The following MAPKAPK2 variants were observed in gnomAD, a reference collection of about 807,000 sequenced individuals.
The protein encoded by MAPKAPK2 is MAPK activated protein kinase 2.
A neutral mutation model predicts 48.8 loss-of-function variants in MAPKAPK2; 9 were observed. That is an observed-to-expected ratio of 0.18 (90% CI 0.11 to 0.32). MAPKAPK2 has a LOEUF of 0.32. Among genes scored for constraint, MAPKAPK2 ranks in the 10% least tolerant of loss-of-function variants. The pLI, the probability that MAPKAPK2 is intolerant of heterozygous loss-of-function variation, is 1.00. For missense variants in MAPKAPK2, 331 were observed against 498.3 expected, an observed-to-expected ratio of 0.66 and a Z score of 3.20; for synonymous variants, 202 against 190.6, an observed-to-expected ratio of 1.06 and a Z score of -0.49.
intron 1 of MAPKAPK2, among the ~76,000 whole-genome samples, chr1:206,711,628 T>TTA (rs1673146365): frequency 6.8e-6 from 1 of 147,952 alleles, no homozygotes; most frequent in South Asian, 2.1e-4. Context: ...TTTTTTTTTT[T>TTA]ATGTTTTTGA....
At chr1:206,703,739 A>G (rs1439811368) in intron 1 of MAPKAPK2, among the ~76,000 whole-genome samples, 2 of 152,176 alleles carry the variant, frequency 1.3e-5, no homozygotes, top group Non-Finnish European at 2.9e-5. Context: ...CTGACATCAG[A>G]GCCTCCTCCC....
In MAPKAPK2 at chr1:206,731,368, G is replaced by A; in HGVS notation, c.892+106G>A. The stretch of plus-strand genomic sequence containing the variant: ...TATGGGCCTCCATCTCATGTGCGTG[G>A]TGTAACTGTGGGTTAGCACCTATGC... On this transcript the variant is annotated intron_variant, in intron 7 of 9. Coordinates refer to ENST00000367103, the MANE Select transcript of MAPKAPK2 (RefSeq NM_032960.4). This position sits in a 1 kb window ranked among gnomAD's most constrained non-coding sequence, Gnocchi z 5.9. 6.4e-7 allele frequency: 1 copy of A among 1,553,406 alleles called. No individual in the cohort carries two copies. The highest frequency in any genetic ancestry group is 8.7e-7 in the Non-Finnish European group (1 of 1,147,818).
chr1:206,728,875 GCC>G, intron 2 of MAPKAPK2, 26 bp downstream of exon 2: 1 of 1,613,058 alleles, frequency 6.2e-7, no homozygotes. Flanking sequence ...TCTAGTCCCG[GCC>G]CAGCCTGTTC....
chr1:206,703,131 T>C (rs1393926227), intron 1 of MAPKAPK2, among the ~76,000 whole-genome samples: 1 of 152,206 alleles, frequency 6.6e-6, no homozygotes, highest in African/African-American at 2.4e-5. Context: ...TTGGCATTCT[T>C]ACCCTCAGTG....
At chr1:206,693,469 A>T (rs1283349681) in intron 1 of MAPKAPK2, among the ~76,000 whole-genome samples, 7 of 152,142 alleles carry the variant, frequency 4.6e-5, no homozygotes, top group Admixed American at 1.3e-4. Flanking sequence ...ATTTGTGTGT[A>T]TGAAAGCTCC....
chr1:206,701,732 G>C (rs531870468), intron 1 of MAPKAPK2, among the ~76,000 whole-genome samples: 2 of 151,106 alleles, frequency 1.3e-5, no homozygotes, highest in Non-Finnish European at 2.9e-5. Context: ...TACTCAGGAG[G>C]CTGAGGTGGG....
At position 206,704,247 on chromosome 1, in the gene MAPKAPK2, A is replaced by G. The variant is rs1672885775; in HGVS notation, c.279+18739A>G. Among the ~76,000 whole-genome samples, 1 of 152,226 alleles carries G rather than the reference A, an allele frequency of 6.6e-6. No homozygotes were observed. The highest frequency in any genetic ancestry group is 6.5e-5 in the Admixed American group (1 of 15,286). On this transcript the variant is annotated intron_variant, in intron 1 of 9. Coordinates refer to ENST00000367103, the MANE Select transcript of MAPKAPK2 (RefSeq NM_032960.4). The surrounding 1 kb of genome is among the most constrained non-coding windows in gnomAD (Gnocchi z 4.3). ...ACTTTCTGGGAAATGTTGAAGATTT[A>G]CGCCTGTCTGAGTGTCTCTCACTCG...
chr1:206,722,268 G>C (rs1162499519), intron 1 of MAPKAPK2, among the ~76,000 whole-genome samples: 1 of 152,126 alleles, frequency 6.6e-6, no homozygotes, highest in African/African-American at 2.4e-5. Flanking sequence ...GCTGAGGCAG[G>C]AGAATGGCGT....
At chr1:206,693,898 C>T (rs1672532114) in intron 1 of MAPKAPK2, among the ~76,000 whole-genome samples, 1 of 152,210 alleles carries the variant, frequency 6.6e-6, no homozygotes. Context: ...GCCATGGCAC[C>T]TCTGGCCCTT....
chr1:206,721,517 T>C (rs1235878255), intron 1 of MAPKAPK2, among the ~76,000 whole-genome samples: 3 of 152,192 alleles, frequency 2.0e-5, no homozygotes, highest in Admixed American at 2.0e-4. Flanking sequence ...GTTTGCACTT[T>C]AAGGCATTTT....
chr1:206,685,553 C>A (rs1672262759), intron 1 of MAPKAPK2, 45 bp downstream of exon 1: 3 of 1,411,370 alleles, frequency 2.1e-6, no homozygotes, highest in African/African-American at 1.5e-5. Flanking sequence ...GGTCCCGGGC[C>A]CTGGAGCTCC....
At chr1:206,715,617 T>TTTTC (rs1334473935) in intron 1 of MAPKAPK2, among the ~76,000 whole-genome samples, 2 of 149,614 alleles carry the variant, frequency 1.3e-5, no homozygotes, top group East Asian at 3.9e-4. Context: ...TTTTTTTTCT[T>TTTTC]TTTCTTTCTT....
chr1:206,697,035 C>T lies in MAPKAPK2; in HGVS notation c.279+11527C>T, dbSNP rs1442218631. Among the ~76,000 whole-genome samples the T allele has an allele frequency of 2.6e-5, 4 of 152,222 alleles. No homozygotes were observed. In the East Asian group the frequency reaches 7.7e-4, roughly 29 times the overall value. ...CTCAAGCAGGCACCTTCTATTTCTG[C>T]TTACAGAGTTCTCATTCTTACAAGG... On this transcript the variant is annotated intron_variant, in intron 1 of 9. Transcript: ENST00000367103.
intron 1 of MAPKAPK2, among the ~76,000 whole-genome samples, chr1:206,712,476 C>T (rs1242047002): frequency 1.3e-5 from 2 of 152,108 alleles, no homozygotes; most frequent in East Asian, 1.9e-4. Context: ...TCATCCTGTG[C>T]TGTTGAAGAT....
At chr1:206,729,883 G>A (rs1673844094) in intron 4 of MAPKAPK2, 89 bp from the exon 5 acceptor site, 19 of 1,532,184 alleles carry the variant, frequency 1.2e-5, no homozygotes, top group Non-Finnish European at 1.7e-5. Flanking sequence ...TGGATGAGTA[G>A]AGGAAGGGAG....
intron 1 of MAPKAPK2, among the ~76,000 whole-genome samples, chr1:206,691,504 T>TATATATACAC (rs1424297313): frequency 2.7e-5 from 3 of 112,162 alleles, no homozygotes; most frequent in Admixed American, 8.8e-5. Flanking sequence ...TATATATATA[T>TATATATACAC]ACACACATAC....
intron 4 of MAPKAPK2, 31 bp downstream of exon 4, chr1:206,729,506 T>A (rs782795956): frequency 6.3e-7 from 1 of 1,594,116 alleles, no homozygotes; most frequent in East Asian, 2.2e-5. Flanking sequence ...TGAGCCCGAG[T>A]GCTGTGGGGG....
chr1:206,731,460 G>A lies in MAPKAPK2; in HGVS notation c.893-180G>A. The A allele has an allele frequency of 8.5e-7, 1 of 1,179,916 alleles. No homozygotes were observed. The highest frequency in any genetic ancestry group is 1.2e-6 in the Non-Finnish European group (1 of 827,898). The allele number at this position is 1,179,916 out of a possible 1,614,324, so 73.1% of individuals were successfully genotyped here. A position where few individuals can be genotyped will look rare whatever the true frequency, so the allele number is the denominator to read the frequency against. On this transcript the variant is annotated intron_variant, in intron 7 of 9. Coordinates refer to ENST00000367103, the MANE Select transcript of MAPKAPK2 (RefSeq NM_032960.4). The surrounding 1 kb of genome is among the most constrained non-coding windows in gnomAD (Gnocchi z 5.9). ...GAGGGCTGGAGGCAGGGCCAAGGCT[G>A]TGGGGCTGTGCAGGGCCTCTCAAGT... is the stretch of plus-strand genomic sequence containing the variant.
At position 206,731,918 on chromosome 1, in the gene MAPKAPK2, A is replaced by G. The variant is rs140988938; in HGVS notation, c.1058A>G (p.Lys353Arg). The G allele has an allele frequency of 7.4e-6, 12 of 1,613,990 alleles. No individual in the cohort carries two copies. In the African/African-American group the frequency reaches 1.5e-4, roughly 20 times the overall value. ...KEDKERWEDV[K>R]EEMTSALATM... ...GACAAGGAGCGGTGGGAGGATGTCA[A>G]GGTGAGGGGCACCACTGGGTGAGAG... Residue 353 changes from lysine to arginine, a missense_variant and splice_region_variant, in exon 9 of 10, where the codon AAG becomes AGG. Around this residue, in one of 4 missense-constraint regions of MAPKAPK2, gnomAD observed 124 missense variants for 194.6 expected, o/e 0.64. Transcript: ENST00000367103. The surrounding 1 kb of genome is among the most constrained non-coding windows in gnomAD (Gnocchi z 5.9).
Sources: allele counts gnomAD v4.1 joint callset (sites outside exome capture counted in the v4.1 genomes callset), GRCh38; gene constraint gnomAD v4.1.1; regional missense constraint gnomAD v4.1.1; non-coding constraint Gnocchi (gnomAD v3.1); transcripts MANE v1.5; gene names NCBI Gene and HGNC (gene_info 2026-07-23, HGNC 2026-07-21).